The following FHAD1 variants were observed in gnomAD, a reference collection of about 807,000 sequenced individuals.
The protein encoded by FHAD1 is forkhead-associated domain-containing protein 1.
Under a neutral mutation model 191.3 loss-of-function variants are expected in FHAD1, and 146 were observed. The observed-to-expected ratio is 0.76, with a 90% CI of 0.67 to 0.88. The LOEUF (loss-of-function observed/expected upper bound fraction) is 0.88. FHAD1 is among the 40% of genes least tolerant of loss of function. FHAD1 has a pLI of 0.00. For synonymous variants in FHAD1, 616 were observed against 672.3 expected, an observed-to-expected ratio of 0.92 and a Z score of 1.29; for missense variants, 1,635 against 1,785.8, an observed-to-expected ratio of 0.92 and a Z score of 1.52.
chr1:15,397,370 C>A lies in FHAD1; in HGVS notation c.4397C>A (p.Ser1466Tyr). 1.3e-6 allele frequency: 2 copies of A among 1,545,726 alleles called. No homozygotes were observed. The highest frequency in any genetic ancestry group is 1.7e-6 in the Non-Finnish European group (2 of 1,142,978). Residue 1466 changes from serine to tyrosine, a missense_variant, in exon 34 of 34, where the codon TCC (serine) becomes TAC (tyrosine). Transcript: ENST00000688493. ...CTGAGGAAAGAGACCTCCAGCAAGT[C>A]CAGCCAGAGCCTTTTGCATTCTAAG... Reference protein sequence around the residue: ...EMLRKETSSKSSQSLLHSKPS... With the variant: ...EMLRKETSSKYSQSLLHSKPS...
chr1:15,363,655 C>T (rs775665010), intron 23 of FHAD1: 107 of 431,216 alleles, frequency 2.5e-4, no homozygotes, highest in Middle Eastern at 2.1e-3. Context: ...CTTGGTGGGG[C>T]GGGGCCCTGT....
chr1:15,376,557 AC>A (rs577117180), intron 28 of FHAD1, among the ~76,000 whole-genome samples: 2 of 152,240 alleles, frequency 1.3e-5, no homozygotes, highest in South Asian at 4.1e-4. Flanking sequence ...AGTCAGAGGG[AC>A]CTGTGTCCAG....
intron 28 of FHAD1, among the ~76,000 whole-genome samples, chr1:15,378,597 G>A (rs1207174751): frequency 1.3e-5 from 2 of 152,180 alleles, no homozygotes; most frequent in African/African-American, 2.4e-5. Flanking sequence ...GGTTCTTTTT[G>A]TAGCAAAACT....
intron 2 of FHAD1, among the ~76,000 whole-genome samples, chr1:15,259,693 A>G (rs1437634524): frequency 6.6e-6 from 1 of 152,138 alleles, no homozygotes; most frequent in Admixed American, 6.5e-5. Flanking sequence ...GGATTGGGGT[A>G]AAGAGGAAAT....
At chr1:15,367,706 A>C (rs1361941181) in intron 25 of FHAD1, 84 bp downstream of exon 25, 9 of 1,135,732 alleles carry the variant, frequency 7.9e-6, no homozygotes, top group South Asian at 3.0e-5. Context: ...GGCTCAGTAC[A>C]TGCTGCTTGA....
At chr1:15,256,961 T>C (rs1005684684) in intron 2 of FHAD1, among the ~76,000 whole-genome samples, 3 of 152,184 alleles carry the variant, frequency 2.0e-5, no homozygotes, top group Non-Finnish European at 2.9e-5. Context: ...TCATATGGGA[T>C]CAGAGGGTCA....
intron 14 of FHAD1, among the ~76,000 whole-genome samples, chr1:15,330,233 T>C (rs1680657375): frequency 6.6e-6 from 1 of 152,216 alleles, no homozygotes; most frequent in Non-Finnish European, 1.5e-5. Flanking sequence ...TTCACACTCA[T>C]AAATCATGCT....
chr1:15,393,072 CT>C (rs35952768), intron 33 of FHAD1: 22,741 of 123,838 alleles, frequency 0.18, 1,662 homozygotes, highest in Middle Eastern at 0.29. Context: ...AAATTCATTC[CT>C]TTTTTTTTTT....
intron 1 of FHAD1, among the ~76,000 whole-genome samples, chr1:15,240,727 G>A (rs1222726801): frequency 2.0e-5 from 3 of 151,856 alleles, no homozygotes; most frequent in Admixed American, 2.0e-4. Flanking sequence ...GGGAGGCCGA[G>A]GAGGGTGGAT....
At chr1:15,271,245 G>T (rs900299000) in intron 2 of FHAD1, among the ~76,000 whole-genome samples, 5 of 151,938 alleles carry the variant, frequency 3.3e-5, no homozygotes, top group African/African-American at 1.2e-4. Context: ...CCCAGGAGGT[G>T]GAGGCTGCAG....
At chr1:15,288,663 T>C (rs929710391) in intron 3 of FHAD1, among the ~76,000 whole-genome samples, 2 of 152,226 alleles carry the variant, frequency 1.3e-5, no homozygotes, top group African/African-American at 4.8e-5. Context: ...TTCTAGGGGC[T>C]GAGGATACAG....
In FHAD1 at chr1:15,308,608, C is replaced by T. The variant is rs1220964410; in HGVS notation, c.916-5C>T. On this transcript the variant is annotated splice_polypyrimidine_tract_variant and splice_region_variant and intron_variant, in intron 6 of 33. Coordinates refer to ENST00000688493, the MANE Select transcript of FHAD1 (RefSeq NM_001391957.1). Reference sequence around the variant, plus strand: ...CCCCTCTGACTGTGCCACCTCCTCCCACAGATCAGTGCCCTACAGAAAGGC... The same window carrying T: ...CCCCTCTGACTGTGCCACCTCCTCCTACAGATCAGTGCCCTACAGAAAGGC... The T allele has an allele frequency of 6.4e-7, 1 of 1,551,692 alleles. No individual in the cohort carries two copies. Among genetic ancestry groups the T allele is most frequent in the South Asian group, 1.2e-5 (1 of 84,048 alleles).
chr1:15,345,134 G>C lies in FHAD1; in HGVS notation c.2182G>C (p.Glu728Gln). 6.4e-7 allele frequency: 1 copy of C among 1,551,910 alleles called. No individual in the cohort carries two copies. Among genetic ancestry groups the C allele is most frequent in the South Asian group, 1.2e-5 (1 of 84,060 alleles). Residue 728 changes from glutamate (E) to glutamine (Q), a missense_variant, in exon 17 of 34, where the codon GAG (glutamate) becomes CAG (glutamine). Physicochemically the swap from Glu to Gln is conservative, Grantham distance 29 (BLOSUM62 2). Coordinates refer to ENST00000688493, the MANE Select transcript of FHAD1 (RefSeq NM_001391957.1). Reference sequence around the variant, plus strand: ...GAGAAACAGAGCGAAAGAGACTTTAGAGGAAGAACGGAAGAGAATGCAAGA... The same window carrying C: ...GAGAAACAGAGCGAAAGAGACTTTACAGGAAGAACGGAAGAGAATGCAAGA... ...QERNRAKETL[E>Q]EERKRMQELE...
intron 3 of FHAD1, among the ~76,000 whole-genome samples, chr1:15,273,010 G>A (rs1012765277): frequency 6.6e-5 from 10 of 152,110 alleles, no homozygotes; most frequent in African/African-American, 2.4e-5. Flanking sequence ...TAACACATAA[G>A]CGCCTGAAAA....
intron 10 of FHAD1, among the ~76,000 whole-genome samples, chr1:15,319,127 A>G (rs1257144657): frequency 6.6e-6 from 1 of 152,170 alleles, no homozygotes; most frequent in Non-Finnish European, 1.5e-5. Flanking sequence ...ACCACGCCCA[A>G]CCACAACTGA....
Position 15,311,625 on chromosome 1 carries a change from T to C in FHAD1, c.1040-1432T>C, listed in dbSNP as rs919998804. ...CATGTTGTTCTTTATTACACATCCT[T>C]GATTGTGCAATAAAGATTGATTCTT... On this transcript the variant is annotated intron_variant, in intron 7 of 33. Transcript: ENST00000688493. This position sits in a 1 kb window ranked among gnomAD's most constrained non-coding sequence, Gnocchi z 4.1. Among the ~76,000 whole-genome samples, 2 of 152,192 alleles carry C rather than the reference T, an allele frequency of 1.3e-5. No individual in the cohort carries two copies. Among genetic ancestry groups the C allele is most frequent in the Non-Finnish European group, 2.9e-5 (2 of 68,038 alleles).
At position 15,381,932 on chromosome 1, in the gene FHAD1, C is replaced by A; in HGVS notation, c.4023-96C>A. ...GATGACACTCCTGAGTGAGCCCCCA[C>A]TGTGGATGTATTTTGAGAGACTTCC... On this transcript the variant is annotated intron_variant, in intron 30 of 33. Coordinates refer to ENST00000688493, the MANE Select transcript of FHAD1 (RefSeq NM_001391957.1). The surrounding 1 kb of genome is among the most constrained non-coding windows in gnomAD (Gnocchi z 4.6). 1 of 1,358,496 alleles carries A rather than the reference C, an allele frequency of 7.4e-7. No homozygotes were observed. Among genetic ancestry groups the A allele is most frequent in the Non-Finnish European group, 1.0e-6 (1 of 992,578 alleles). 84.2% of individuals were successfully genotyped at this position (1,358,496 alleles called of 1,614,324 possible).
intron 32 of FHAD1, 54 bp downstream of exon 32, chr1:15,388,185 G>T: frequency 8.8e-7 from 1 of 1,142,294 alleles, no homozygotes; most frequent in Non-Finnish European, 1.2e-6. Flanking sequence ...TCTCAACTGG[G>T]GGTAAGAGCT....
intron 3 of FHAD1, among the ~76,000 whole-genome samples, chr1:15,275,599 G>A (rs1322506108): frequency 2.6e-5 from 4 of 152,288 alleles, no homozygotes; most frequent in East Asian, 1.9e-4. Context: ...CTGAGTGAGG[G>A]CAGCCATGTG....
Sources: gnomAD v4.1 joint callset for allele counts (sites outside exome capture counted in the v4.1 genomes callset) on GRCh38, gnomAD v4.1.1 for gene constraint, Gnocchi (gnomAD v3.1) non-coding constraint, MANE v1.5 for transcripts, NCBI Gene and HGNC (gene_info 2026-07-23, HGNC 2026-07-21) for gene names.